The following COMMD1 variants were observed in gnomAD, a reference collection of about 807,000 sequenced individuals.
COMMD1 encodes COMM domain-containing protein 1.
Under a neutral mutation model 17.2 loss-of-function variants are expected in COMMD1, and 10 were observed. The observed-to-expected ratio is 0.58, with a 90% CI of 0.36 to 0.99. COMMD1 has a LOEUF of 0.99. Ranked by LOEUF, COMMD1 falls within the 50% of genes least tolerant of loss-of-function variation. The pLI is 0.01. For synonymous variants in COMMD1, 97 were observed against 91.6 expected (o/e 1.06, Z -0.34); for missense variants, 270 against 231.8 (o/e 1.17, Z -1.07).
At chr2:62,015,710 C>CTTT (rs1248109405) in intron 2 of COMMD1, among the ~76,000 whole-genome samples, 1 of 107,970 alleles carries the variant, frequency 9.3e-6, no homozygotes, top group Admixed American at 9.1e-5. Flanking sequence ...TTTTTTTTTT[C>CTTT]TTTTTTTTTT....
In COMMD1 at chr2:62,087,562, A is replaced by G. The variant is rs1671704323; in HGVS notation, c.463-48269A>G. On this transcript the variant is annotated intron_variant, in intron 2 of 2. Coordinates refer to ENST00000311832, the MANE Select transcript of COMMD1 (RefSeq NM_152516.4). The stretch of plus-strand genomic sequence containing the variant: ...GGAGTTTGAGACCAGCCTGGCCAAC[A>G]TGACGAAACCCCGTCTCTACTAAAA... Among the ~76,000 whole-genome samples the G allele has an allele frequency of 2.6e-5, 4 of 152,222 alleles. 1 individual carries two copies. The highest frequency in any genetic ancestry group is 9.6e-5 in the African/African-American group (4 of 41,452).
At chr2:61,913,552 A>AAAAAATTAGCTCTACT in intron 1 of COMMD1, among the ~76,000 whole-genome samples, 1 of 151,616 alleles carries the variant, frequency 6.6e-6, no homozygotes, top group African/African-American at 2.4e-5. Flanking sequence ...TAGCTCTACT[A>AAAAAATTAGCTCTACT]AAAAATTAGC....
At chr2:61,951,370 G>A (rs200522052) in intron 1 of COMMD1, among the ~76,000 whole-genome samples, 2 of 151,094 alleles carry the variant, frequency 1.3e-5, no homozygotes, top group African/African-American at 4.9e-5. Context: ...TGAGGTACGA[G>A]AATCACTTGA....
rs1671336796 is a variant in COMMD1 at position 62,076,373 on chromosome 2, G to T, written c.463-59458G>T. ...TGGCATCTGAGAGGGATGCATAAAA[G>T]AGGATGTCTTTGGCCTAAGCCTTGA... On this transcript the variant is annotated intron_variant, in intron 2 of 2. Transcript: ENST00000311832. 2.0e-5 allele frequency among the ~76,000 whole-genome samples: 3 copies of T among 152,224 alleles called. No individual in the cohort carries two copies. In the South Asian group the frequency reaches 6.2e-4, roughly 32 times the overall value.
intron 2 of COMMD1, among the ~76,000 whole-genome samples, chr2:62,099,755 G>A (rs1452457801): frequency 6.6e-6 from 1 of 152,030 alleles, no homozygotes; most frequent in East Asian, 1.9e-4. Context: ...AACACCAGGC[G>A]ACCAGCCCTT....
At chr2:62,093,469 A>C (rs912571372) in intron 2 of COMMD1, among the ~76,000 whole-genome samples, 1 of 152,168 alleles carries the variant, frequency 6.6e-6, no homozygotes, top group African/African-American at 2.4e-5. Flanking sequence ...TATGGGAACT[A>C]TGGGTTTTTT....
At chr2:62,129,505 G>A (rs1280911888) in intron 2 of COMMD1, among the ~76,000 whole-genome samples, 1 of 152,182 alleles carries the variant, frequency 6.6e-6, no homozygotes, top group African/African-American at 2.4e-5. Flanking sequence ...GGGATTCCAG[G>A]TCTCTTGAAG....
chr2:62,007,773 G>A (rs939429612), intron 2 of COMMD1, among the ~76,000 whole-genome samples: 1 of 152,120 alleles, frequency 6.6e-6, no homozygotes, highest in African/African-American at 2.4e-5. Flanking sequence ...TCACCTAATG[G>A]CACATTTCTC....
intron 1 of COMMD1, among the ~76,000 whole-genome samples, chr2:61,969,499 C>T (rs1671591294): frequency 6.6e-6 from 1 of 152,222 alleles, no homozygotes; most frequent in Admixed American, 6.5e-5. Context: ...AACACATCTA[C>T]ACATTATGAC....
At chr2:62,123,321 T>C (rs919508268) in intron 2 of COMMD1, among the ~76,000 whole-genome samples, 31 of 151,630 alleles carry the variant, frequency 2.0e-4, no homozygotes, top group African/African-American at 6.8e-4. Context: ...CTGGCCAATA[T>C]GGTGAAACCC....
intron 1 of COMMD1, among the ~76,000 whole-genome samples, chr2:61,945,771 C>T (rs971019134): frequency 6.6e-6 from 1 of 152,134 alleles, no homozygotes; most frequent in African/African-American, 2.4e-5. Flanking sequence ...GAAGTGGGGG[C>T]TTCCAGGTCA....
In COMMD1 at chr2:62,112,801, A is replaced by G. The variant is rs74399271; in HGVS notation, c.463-23030A>G. Reference sequence around the variant, plus strand: ...GTATAGTCAGACTCTTAAATCAATGATTTTTTCTCTCTTAATACTGCTTTG... The same window carrying G: ...GTATAGTCAGACTCTTAAATCAATGGTTTTTTCTCTCTTAATACTGCTTTG... On this transcript the variant is annotated intron_variant, in intron 2 of 2. Coordinates refer to ENST00000311832, the MANE Select transcript of COMMD1 (RefSeq NM_152516.4). Among the ~76,000 whole-genome samples the G allele has an allele frequency of 3.8e-3, 571 of 152,204 alleles. 2 individuals are homozygous for G. The highest frequency in any genetic ancestry group is 0.013 in the African/African-American group (536 of 41,530).
At chr2:62,019,101 TTCCCTCCCTCCC>T (rs767718400) in intron 2 of COMMD1, among the ~76,000 whole-genome samples, 31 of 88,348 alleles carry the variant, frequency 3.5e-4, no homozygotes, top group South Asian at 3.3e-3. Context: ...TCTCTCTCTC[TTCCCTCCCTCCC>T]TCCCTCCCTC....
chr2:61,989,497 C>G (rs926183386), intron 1 of COMMD1, among the ~76,000 whole-genome samples: 1 of 149,448 alleles, frequency 6.7e-6, no homozygotes, highest in Non-Finnish European at 1.5e-5. Context: ...GAGTTTCACT[C>G]GGTCGCCCAG....
intron 2 of COMMD1, among the ~76,000 whole-genome samples, chr2:62,019,043 C>CTCCT (rs1201237465): frequency 1.4e-5 from 2 of 144,722 alleles, no homozygotes; most frequent in Non-Finnish European, 3.0e-5. Context: ...CCCTCCCTCC[C>CTCCT]TCCTTCCTTC....
chr2:62,031,991 C>T (rs945018788), intron 2 of COMMD1, among the ~76,000 whole-genome samples: 2 of 152,154 alleles, frequency 1.3e-5, no homozygotes, highest in African/African-American at 2.4e-5. Flanking sequence ...TCTACCTTGT[C>T]TTTATATGCC....
intron 2 of COMMD1, among the ~76,000 whole-genome samples, chr2:62,080,765 A>G (rs1671491721): frequency 6.8e-6 from 1 of 147,356 alleles, no homozygotes; most frequent in South Asian, 2.2e-4. Context: ...ATACTTATGG[A>G]GTTCTGGATG....
At chr2:62,109,919 C>CTTTTTTTTTTTT (rs11345736) in intron 2 of COMMD1, among the ~76,000 whole-genome samples, 36 of 73,858 alleles carry the variant, frequency 4.9e-4, no homozygotes, top group East Asian at 1.3e-3. Flanking sequence ...TTATCTTGAT[C>CTTTTTTTTTTTT]TTTTTTTTTT....
chr2:61,996,320 G>A (rs375921424), intron 1 of COMMD1, among the ~76,000 whole-genome samples: 17,535 of 85,504 alleles, frequency 0.21, 1,064 homozygotes, highest in East Asian at 0.41. Flanking sequence ...CTAAATGTGT[G>A]TGTGTGTGTG....
Sources: gnomAD v4.1 joint callset for allele counts (sites outside exome capture counted in the v4.1 genomes callset) on GRCh38, gnomAD v4.1.1 for gene constraint, MANE v1.5 for transcripts, NCBI Gene and HGNC (gene_info 2026-07-23, HGNC 2026-07-21) for gene names.